The following DCC variants were observed in gnomAD, a reference collection of about 807,000 sequenced individuals.
DCC encodes netrin receptor DCC.
A neutral mutation model predicts 172.5 loss-of-function variants in DCC; 58 were observed. The ratio of observed to expected loss-of-function variants is 0.34; its 90% CI spans 0.27 to 0.42. The LOEUF (loss-of-function observed/expected upper bound fraction) is 0.42. DCC is among the 10% of genes least tolerant of loss of function. DCC has a pLI of 1.00. For missense variants in DCC, 1,740 were observed against 1,791.0 expected, an observed-to-expected ratio of 0.97 and a Z score of 0.51; for synonymous variants, 709 against 644.5, an observed-to-expected ratio of 1.10 and a Z score of -1.52.
At chr18:52,831,323 A>G (rs1418834728) in intron 2 of DCC, among the ~76,000 whole-genome samples, 1 of 152,076 alleles carries the variant, frequency 6.6e-6, no homozygotes, top group African/African-American at 2.4e-5. Context: ...AGGACTTTGG[A>G]TTTTGCTTTG....
chr18:53,467,634 C>T (rs899646387), intron 24 of DCC, among the ~76,000 whole-genome samples: 1 of 152,056 alleles, frequency 6.6e-6, no homozygotes, highest in Non-Finnish European at 1.5e-5. Flanking sequence ...TGTACGCTCT[C>T]CCACTTTCAC....
At chr18:53,128,864 CACACACATATATATAT>C (rs1267112091) in intron 7 of DCC, among the ~76,000 whole-genome samples, 10 of 72,130 alleles carry the variant, frequency 1.4e-4, no homozygotes, top group African/African-American at 4.8e-4. Context: ...CACACACACA[CACACACATATATATAT>C]ATATATATAT....
Position 52,841,323 on chromosome 18 carries a change from T to C in DCC, c.413-64721T>C, listed in dbSNP as rs576130223. Among the ~76,000 whole-genome samples the C allele has an allele frequency of 2.0e-5, 3 of 151,772 alleles. No individual in the cohort carries two copies. The South Asian group carries it at 6.3e-4, about 32-fold the overall frequency. Reference sequence around the variant, plus strand: ...AACACTCTGACTAATGCATGTAGAGTGCATTGTAGGAGAGTAAGACTAGAC... The same window carrying C: ...AACACTCTGACTAATGCATGTAGAGCGCATTGTAGGAGAGTAAGACTAGAC... On this transcript the variant is annotated intron_variant, in intron 2 of 28. Transcript: ENST00000442544.
chr18:52,688,370 CA>C (rs1465281916), intron 1 of DCC, among the ~76,000 whole-genome samples: 1 of 152,032 alleles, frequency 6.6e-6, no homozygotes, highest in Non-Finnish European at 1.5e-5. Context: ...GGAGTGATTG[CA>C]GTTTGTCATA....
chr18:52,957,747 G>C (rs551296514), intron 5 of DCC, among the ~76,000 whole-genome samples: 2 of 152,218 alleles, frequency 1.3e-5, no homozygotes, highest in South Asian at 4.1e-4. Context: ...GAGGTATAGA[G>C]AGTACCTTGT....
chr18:52,364,157 A>AT (rs943554189), intron 1 of DCC, among the ~76,000 whole-genome samples: 10 of 151,934 alleles, frequency 6.6e-5, no homozygotes, highest in South Asian at 6.2e-4. Context: ...AATACCACAC[A>AT]TTTTTTTTAC....
At chr18:53,193,758 G>A (rs2055400723) in intron 9 of DCC, among the ~76,000 whole-genome samples, 1 of 152,128 alleles carries the variant, frequency 6.6e-6, no homozygotes. Flanking sequence ...CCTCCCAAAA[G>A]AGCCAGTTTA....
chr18:52,654,022 C>T (rs2035196100), intron 1 of DCC, among the ~76,000 whole-genome samples: 1 of 152,174 alleles, frequency 6.6e-6, no homozygotes, highest in Admixed American at 6.5e-5. Context: ...TACAGGACTC[C>T]TCCTGCTAGA....
chr18:53,310,216 T>G (rs2057250542), intron 13 of DCC, among the ~76,000 whole-genome samples: 1 of 152,030 alleles, frequency 6.6e-6, no homozygotes, highest in Non-Finnish European at 1.5e-5. Context: ...GGTTTAGACA[T>G]GTCCCCAGGA....
intron 5 of DCC, among the ~76,000 whole-genome samples, chr18:52,979,699 A>G (rs1019854825): frequency 3.3e-5 from 5 of 152,216 alleles, no homozygotes; most frequent in Non-Finnish European, 5.9e-5. Flanking sequence ...TTTGCCATTC[A>G]CTGCTACCTC....
At chr18:52,681,489 T>C (rs1016528677) in intron 1 of DCC, among the ~76,000 whole-genome samples, 1 of 152,078 alleles carries the variant, frequency 6.6e-6, no homozygotes, top group African/African-American at 2.4e-5. Context: ...TTAGGCAAAA[T>C]TGTTCAAAAG....
At chr18:53,133,718 T>C (rs193300726) in intron 7 of DCC, among the ~76,000 whole-genome samples, 55 of 152,304 alleles carry the variant, frequency 3.6e-4, no homozygotes, top group African/African-American at 1.2e-3. Context: ...GAAAGACTCA[T>C]TGGCTTGAGA....
chr18:52,407,293 G>C (rs1986687004), intron 1 of DCC, among the ~76,000 whole-genome samples: 1 of 151,968 alleles, frequency 6.6e-6, no homozygotes, highest in African/African-American at 2.4e-5. Context: ...GCACTCCTGA[G>C]GTAAATATGA....
At chr18:52,691,365 C>G (rs12455371) in intron 1 of DCC, among the ~76,000 whole-genome samples, 22,945 of 151,982 alleles carry the variant, frequency 0.15, 1,989 homozygotes, top group Admixed American at 0.25. Flanking sequence ...TAGCAAAATA[C>G]CAAAAACTAG....
intron 12 of DCC, among the ~76,000 whole-genome samples, chr18:53,255,531 A>G (rs1016106928): frequency 6.6e-6 from 1 of 151,864 alleles, no homozygotes; most frequent in African/African-American, 2.4e-5. Context: ...ATGTCCCTAC[A>G]AAGGACATGA....
At chr18:53,362,896 T>C (rs2057963071) in intron 15 of DCC, among the ~76,000 whole-genome samples, 1 of 152,158 alleles carries the variant, frequency 6.6e-6, no homozygotes, top group South Asian at 2.1e-4. Flanking sequence ...AAGGCTTGCA[T>C]GGCCCATAAT....
intron 9 of DCC, among the ~76,000 whole-genome samples, chr18:53,196,338 A>G (rs968981168): frequency 6.6e-6 from 1 of 152,190 alleles, no homozygotes; most frequent in African/African-American, 2.4e-5. Context: ...TGCATTACTA[A>G]GCATTGCTTA....
intron 7 of DCC, among the ~76,000 whole-genome samples, chr18:53,081,295 C>T (rs1371326426): frequency 6.6e-6 from 1 of 151,920 alleles, no homozygotes; most frequent in African/African-American, 2.4e-5. Context: ...GAAATAAACA[C>T]CTGTGTACTA....
intron 1 of DCC, among the ~76,000 whole-genome samples, chr18:52,378,746 T>C (rs376763214): frequency 6.6e-6 from 1 of 151,938 alleles, no homozygotes; most frequent in East Asian, 1.9e-4. Context: ...TGGGGTTTTG[T>C]CATGTAGCCC....
Sources: gnomAD v4.1 joint callset for allele counts (sites outside exome capture counted in the v4.1 genomes callset) on GRCh38, gnomAD v4.1.1 for gene constraint, MANE v1.5 for transcripts, NCBI Gene and HGNC (gene_info 2026-07-23, HGNC 2026-07-21) for gene names.